The following DPP6 variants were observed in gnomAD, a reference collection of about 807,000 sequenced individuals.
DPP6 encodes dipeptidyl peptidase like 6.
Under a neutral mutation model 122.6 loss-of-function variants are expected in DPP6, and 69 were observed. The ratio of observed to expected loss-of-function variants is 0.56; its 90% CI spans 0.46 to 0.69. The LOEUF is 0.69. DPP6 is among the 30% of genes least tolerant of loss of function. DPP6 has a pLI of 0.00. For missense variants in DPP6, 928 were observed against 1,116.9 expected, an observed-to-expected ratio of 0.83 and a Z score of 2.41; for synonymous variants, 418 against 433.1, an observed-to-expected ratio of 0.97 and a Z score of 0.43.
At position 154,769,594 on chromosome 7, in the gene DPP6, G is replaced by A. The variant is rs752869431; in HGVS notation, c.1038+23G>A. On this transcript the variant is annotated intron_variant, in intron 9 of 25. Coordinates refer to ENST00000377770, the MANE Select transcript of DPP6 (RefSeq NM_130797.4). ...AAGGTAGGCAAAGGGACACCGCACAGCAAATTCTTTATATTATTCATGAAC... is the reference window on the plus strand; with the variant it reads ...AAGGTAGGCAAAGGGACACCGCACAACAAATTCTTTATATTATTCATGAAC... The A allele has an allele frequency of 7.7e-6, 12 of 1,555,152 alleles. No homozygotes were observed. The East Asian group carries it at 1.6e-4, about 21-fold the overall frequency.
chr7:154,302,970 T>C (rs1585873105), intron 1 of DPP6, among the ~76,000 whole-genome samples: 1 of 140,396 alleles, frequency 7.1e-6, no homozygotes, highest in East Asian at 2.1e-4. Flanking sequence ...ATCCCTGGGG[T>C]TTTAGTTTTT....
chr7:153,892,413 A>G (rs1193064776), intron 1 of DPP6, among the ~76,000 whole-genome samples: 1 of 152,114 alleles, frequency 6.6e-6, no homozygotes, highest in East Asian at 1.9e-4. Context: ...TCCCAGGTTC[A>G]AGCAATCCTC....
chr7:154,501,433 G>A (rs1391654728), intron 3 of DPP6, among the ~76,000 whole-genome samples: 2 of 152,178 alleles, frequency 1.3e-5, no homozygotes, highest in African/African-American at 2.4e-5. Context: ...AAGTGGTTTG[G>A]TGGACTGGGC....
intron 7 of DPP6, among the ~76,000 whole-genome samples, chr7:154,670,964 C>T (rs1468975530): frequency 6.6e-6 from 1 of 152,132 alleles, no homozygotes; most frequent in Non-Finnish European, 1.5e-5. Flanking sequence ...TGTAACTGAT[C>T]AAAATCACAG....
intron 23 of DPP6, among the ~76,000 whole-genome samples, chr7:154,888,246 G>A (rs77889955): frequency 1.3e-5 from 2 of 152,112 alleles, no homozygotes; most frequent in East Asian, 1.9e-4. Context: ...ACGCTGCCAC[G>A]CCCAGCTAAT....
intron 1 of DPP6, among the ~76,000 whole-genome samples, chr7:154,298,420 G>A (rs962176334): frequency 6.6e-6 from 1 of 152,128 alleles, no homozygotes; most frequent in African/African-American, 2.4e-5. Context: ...GAAGGGACAT[G>A]GAAGGGCAGG....
chr7:154,351,254 C>A (rs1810830122), intron 1 of DPP6, among the ~76,000 whole-genome samples: 1 of 152,102 alleles, frequency 6.6e-6, no homozygotes, highest in South Asian at 2.1e-4. Flanking sequence ...GCATTTGGCT[C>A]CACAGAGAGG....
chr7:154,447,675 A>G (rs1399102442), intron 2 of DPP6, among the ~76,000 whole-genome samples: 2 of 152,194 alleles, frequency 1.3e-5, no homozygotes, highest in Non-Finnish European at 2.9e-5. Context: ...AAACTCTTCA[A>G]CAAAATAGTA....
At chr7:154,443,890 C>G (rs1819626395) in intron 1 of DPP6, among the ~76,000 whole-genome samples, 1 of 152,176 alleles carries the variant, frequency 6.6e-6, no homozygotes, top group Non-Finnish European at 1.5e-5. Context: ...CAAAAAATGT[C>G]TCATTCTACT....
intron 1 of DPP6, among the ~76,000 whole-genome samples, chr7:154,027,524 C>G (rs1318684911): frequency 1.3e-5 from 2 of 152,120 alleles, no homozygotes; most frequent in Non-Finnish European, 2.9e-5. Flanking sequence ...TAGTCCCATT[C>G]TTGTGGGCTT....
intron 1 of DPP6, among the ~76,000 whole-genome samples, chr7:154,099,377 T>G (rs1474287006): frequency 6.6e-6 from 1 of 151,870 alleles, no homozygotes; most frequent in Non-Finnish European, 1.5e-5. Context: ...TGAATTCCAA[T>G]GCATAGGGAA....
intron 1 of DPP6, among the ~76,000 whole-genome samples, chr7:153,925,253 T>C (rs1273486928): frequency 6.6e-6 from 1 of 152,062 alleles, no homozygotes; most frequent in East Asian, 1.9e-4. Flanking sequence ...GGAGACTATC[T>C]GCATGGTGGA....
At chr7:154,878,426 C>T (rs1002140120) in intron 20 of DPP6, among the ~76,000 whole-genome samples, 12 of 152,250 alleles carry the variant, frequency 7.9e-5, no homozygotes, top group South Asian at 4.1e-4. Context: ...AGCTTAGAGC[C>T]GTTGCCAAAG....
chr7:154,732,283 C>G lies in DPP6; in HGVS notation c.883+4396C>G, dbSNP rs902684175. Among the ~76,000 whole-genome samples the G allele has an allele frequency of 9.2e-5, 14 of 152,118 alleles. No individual in the cohort carries two copies. In the South Asian group the frequency reaches 2.5e-3, roughly 27 times the overall value. On this transcript the variant is annotated intron_variant, in intron 8 of 25. Transcript: ENST00000377770. ...GGATGGTCTCAGTCATCTTCGTTAT[C>G]ATCATATGCATGAGCTATAGTGGGA... is the stretch of plus-strand genomic sequence containing the variant.
intron 3 of DPP6, among the ~76,000 whole-genome samples, chr7:154,497,134 T>C (rs1824813330): frequency 1.3e-5 from 2 of 152,140 alleles, no homozygotes; most frequent in South Asian, 4.1e-4. Context: ...CAGAACTGGA[T>C]GTAACCTTCA....
chr7:154,274,511 G>A (rs185098587), intron 1 of DPP6, among the ~76,000 whole-genome samples: 155 of 152,244 alleles, frequency 1.0e-3, no homozygotes, highest in African/African-American at 3.6e-3. Context: ...ACACGCTGAC[G>A]AGGTGAGTCC....
chr7:154,231,866 A>G (rs1319873466), intron 1 of DPP6, among the ~76,000 whole-genome samples: 1 of 152,190 alleles, frequency 6.6e-6, no homozygotes, highest in African/African-American at 2.4e-5. Flanking sequence ...GTATTTGAGC[A>G]TACTTGTAGC....
chr7:154,027,528 T>A (rs1186890567), intron 1 of DPP6, among the ~76,000 whole-genome samples: 1 of 152,160 alleles, frequency 6.6e-6, no homozygotes, highest in African/African-American at 2.4e-5. Context: ...CCCATTCTTG[T>A]GGGCTTTATT....
chr7:154,071,032 CTATTT>C (rs980176619), intron 1 of DPP6, among the ~76,000 whole-genome samples: 13 of 152,154 alleles, frequency 8.5e-5, no homozygotes, highest in African/African-American at 3.1e-4. Flanking sequence ...TGCATGCATG[CTATTT>C]TATTTGTTTT....
Sources: allele counts gnomAD v4.1 joint callset (sites outside exome capture counted in the v4.1 genomes callset), GRCh38; gene constraint gnomAD v4.1.1; transcripts MANE v1.5; gene names NCBI Gene and HGNC (gene_info 2026-07-23, HGNC 2026-07-21).